The following GABPB1 variants were observed in gnomAD, a reference collection of about 807,000 sequenced individuals.
The protein encoded by GABPB1 is GA binding protein transcription factor subunit beta 1, also known as GA-binding protein subunit beta-1.
A neutral mutation model predicts 45.9 loss-of-function variants in GABPB1; 15 were observed. The observed-to-expected ratio is 0.33, with a 90% CI of 0.22 to 0.50. The LOEUF (loss-of-function observed/expected upper bound fraction) is 0.50. GABPB1 is among the 20% of genes least tolerant of loss of function. The pLI, the probability that GABPB1 is intolerant of heterozygous loss-of-function variation, is 0.98. For missense variants in GABPB1, 252 were observed against 457.5 expected (o/e 0.55, Z 4.10); for synonymous variants, 143 against 154.4 (o/e 0.93, Z 0.55).
At chr15:50,326,373 A>T (rs1381062286) in intron 1 of GABPB1, among the ~76,000 whole-genome samples, 1 of 150,834 alleles carries the variant, frequency 6.6e-6, no homozygotes, top group Non-Finnish European at 1.5e-5. Context: ...AAAATTAGCC[A>T]AGAGCCAGGT....
Position 50,289,542 on chromosome 15 carries a change from G to C in GABPB1, c.824C>G (p.Ser275Cys). ...TDGIQLGNLH[S>C]IPTSGIGQPI... ...CTGACCAATTCCACTGGTTGGAATA[G>C]AGTGCAAATTTCCAAGCTGAATTCC... Residue 275 changes from serine (S) to cysteine (C), a missense_variant, in exon 7 of 9, where the codon TCT (serine) becomes TGT (cysteine). Ser to Cys is a moderately radical substitution (Grantham distance 112). This residue lies in a region of GABPB1 where 193 missense variants were observed against 259.9 expected (regional missense o/e 0.74). Coordinates refer to ENST00000380877, the MANE Select transcript of GABPB1 (RefSeq NM_016654.5). 1 of 1,613,512 alleles carries C rather than the reference G, an allele frequency of 6.2e-7. No individual in the cohort carries two copies. The highest frequency in any genetic ancestry group is 8.5e-7 in the Non-Finnish European group (1 of 1,179,820).
intron 1 of GABPB1, among the ~76,000 whole-genome samples, chr15:50,333,420 T>C (rs982340339): frequency 6.6e-6 from 1 of 152,102 alleles, no homozygotes; most frequent in Non-Finnish European, 1.5e-5. Context: ...CATTACTTCA[T>C]CCATAAATAT....
At chr15:50,322,812 A>C (rs2047621653) in intron 1 of GABPB1, among the ~76,000 whole-genome samples, 1 of 152,072 alleles carries the variant, frequency 6.6e-6, no homozygotes, top group Non-Finnish European at 1.5e-5. Flanking sequence ...GGATTGCTTG[A>C]GACCAGGAGT....
intron 8 of GABPB1, among the ~76,000 whole-genome samples, chr15:50,280,348 G>A (rs1477494921): frequency 6.6e-6 from 1 of 152,134 alleles, no homozygotes; most frequent in East Asian, 1.9e-4. Flanking sequence ...AACTGTGCAG[G>A]ACTTTAAGGA....
chr15:50,280,038 T>C (rs1375762172), intron 8 of GABPB1, among the ~76,000 whole-genome samples: 2 of 152,058 alleles, frequency 1.3e-5, no homozygotes, highest in African/African-American at 4.8e-5. Context: ...TCCACTTCCT[T>C]CCCCACAATG....
intron 1 of GABPB1, chr15:50,327,415 C>T (rs1392088999): frequency 2.0e-5 from 3 of 152,254 alleles, no homozygotes; most frequent in Non-Finnish European, 4.4e-5. Flanking sequence ...CTAGTTTCTC[C>T]ATCCTGCTGC....
chr15:50,301,205 A>G (rs2046730918), intron 5 of GABPB1, 52 bp downstream of exon 5: 44 of 1,609,762 alleles, frequency 2.7e-5, no homozygotes, highest in Non-Finnish European at 3.7e-5. Context: ...AGCCTATCCT[A>G]TATGCATCTC....
At chr15:50,329,216 G>T (rs939991629) in intron 1 of GABPB1, among the ~76,000 whole-genome samples, 7 of 152,104 alleles carry the variant, frequency 4.6e-5, no homozygotes, top group African/African-American at 1.7e-4. Flanking sequence ...TTTTAGAAGA[G>T]CTCACATCTA....
chr15:50,319,193 T>C (rs1416782925), intron 1 of GABPB1, among the ~76,000 whole-genome samples: 1 of 152,178 alleles, frequency 6.6e-6, no homozygotes, highest in African/African-American at 2.4e-5. Flanking sequence ...TGGGAAGAAA[T>C]AACACAACTG....
At chr15:50,281,648 C>T (rs1221256352) in intron 8 of GABPB1, among the ~76,000 whole-genome samples, 1 of 152,180 alleles carries the variant, frequency 6.6e-6, no homozygotes, top group Non-Finnish European at 1.5e-5. Flanking sequence ...TATTGAAATA[C>T]AGCCACACCC....
chr15:50,280,463 T>C (rs1443852143), intron 8 of GABPB1, among the ~76,000 whole-genome samples: 1 of 152,126 alleles, frequency 6.6e-6, no homozygotes, highest in African/African-American at 2.4e-5. Flanking sequence ...TTTAAAATTT[T>C]ACGTGTGGCT....
intron 6 of GABPB1, 37 bp from the exon 7 acceptor site, chr15:50,289,705 T>G: frequency 6.6e-7 from 1 of 1,512,220 alleles, no homozygotes; most frequent in Non-Finnish European, 9.0e-7. Context: ...CAAACATATG[T>G]AACGGTATGA....
chr15:50,324,790 GC>G, intron 1 of GABPB1, among the ~76,000 whole-genome samples: 1 of 151,984 alleles, frequency 6.6e-6, no homozygotes, highest in Non-Finnish European at 1.5e-5. Context: ...CAGGCAATTC[GC>G]CCGCCTTGGC....
chr15:50,319,363 T>G (rs2047472112), intron 1 of GABPB1, among the ~76,000 whole-genome samples: 1 of 152,208 alleles, frequency 6.6e-6, no homozygotes, highest in Admixed American at 6.5e-5. Flanking sequence ...GTCTGGGCTT[T>G]CAATGTGTCC....
chr15:50,313,214 G>C (rs1163185938), intron 1 of GABPB1, among the ~76,000 whole-genome samples: 1 of 152,142 alleles, frequency 6.6e-6, no homozygotes, highest in Non-Finnish European at 1.5e-5. Flanking sequence ...ATAGTTAAAA[G>C]ACAGGACCAT....
At chr15:50,299,100 T>C (rs1473122128) in intron 6 of GABPB1, among the ~76,000 whole-genome samples, 1 of 152,184 alleles carries the variant, frequency 6.6e-6, no homozygotes, top group Non-Finnish European at 1.5e-5. Context: ...GTAAAATATT[T>C]ATCACAGTGC....
intron 1 of GABPB1, among the ~76,000 whole-genome samples, chr15:50,321,503 T>C (rs1223777603): frequency 6.6e-6 from 1 of 152,142 alleles, no homozygotes; most frequent in African/African-American, 2.4e-5. Context: ...AAGTAAAAGA[T>C]GCGGCAACCC....
At chr15:50,346,256 A>G (rs1207502154) in intron 1 of GABPB1, 1 of 152,232 alleles carries the variant, frequency 6.6e-6, no homozygotes, top group Admixed American at 6.5e-5. Flanking sequence ...GGAAGAAGGA[A>G]TATGAGACAA....
chr15:50,317,925 T>A (rs1187571529), intron 1 of GABPB1, among the ~76,000 whole-genome samples: 3 of 150,720 alleles, frequency 2.0e-5, no homozygotes, highest in Admixed American at 6.6e-5. Flanking sequence ...AAAAAAAAAA[T>A]TAGTTATTGA....
Sources: gnomAD v4.1 joint callset for allele counts (sites outside exome capture counted in the v4.1 genomes callset) on GRCh38, gnomAD v4.1.1 for gene constraint, gnomAD v4.1.1 regional missense constraint, MANE v1.5 for transcripts, NCBI Gene and HGNC (gene_info 2026-07-23, HGNC 2026-07-21) for gene names.